Variants in MCM10 observed in about 807,000 individuals in gnomAD.
The protein encoded by MCM10 is minichromosome maintenance 10 replication initiation factor, also known as protein MCM10 homolog.
In MCM10, 91 loss-of-function variants were observed where a neutral mutation model predicts 109.9. That is an observed-to-expected ratio of 0.83 (90% confidence interval 0.70 to 0.99). The LOEUF (loss-of-function observed/expected upper bound fraction) is 0.99. Ranked by LOEUF, MCM10 falls within the 50% of genes least tolerant of loss-of-function variation. The probability of loss-of-function intolerance (pLI) is 0.00; values close to 1 mark genes in which losing one functional copy is unlikely to be tolerated. For synonymous variants in MCM10, 380 were observed against 387.2 expected, an observed-to-expected ratio of 0.98 and a Z score of 0.22; for missense variants, 1,077 against 1,061.2, an observed-to-expected ratio of 1.01 and a Z score of -0.21.
chr10:13,178,236 C>T (rs1261337255), intron 6 of MCM10, among the ~76,000 whole-genome samples: 2 of 152,210 alleles, frequency 1.3e-5, no homozygotes, highest in Admixed American at 6.5e-5. Context: ...GCTCAGACTA[C>T]AAGCACGCAC....
At position 13,186,152 on chromosome 10, in the gene MCM10, C is replaced by T; in HGVS notation, c.1099-12C>T. 3 of 1,525,808 alleles carry T rather than the reference C, an allele frequency of 2.0e-6. No individual in the cohort carries two copies. Among genetic ancestry groups the T allele is most frequent in the Non-Finnish European group, 2.7e-6 (3 of 1,103,330 alleles). The allele number at this position is 1,525,808 out of a possible 1,614,324, so 94.5% of individuals were successfully genotyped here. A position where few individuals can be genotyped will look rare whatever the true frequency, so the allele number is the denominator to read the frequency against. On this transcript the variant is annotated splice_polypyrimidine_tract_variant and intron_variant, in intron 8 of 19. Coordinates refer to ENST00000378714, the MANE Select transcript of MCM10 (RefSeq NM_018518.5). ...TGTCCGCCTTTAACTCCTGCCCCAC[C>T]TTTTCTTACAGGTGTGTTTATCTAT...
intron 17 of MCM10, among the ~76,000 whole-genome samples, chr10:13,202,426 A>G (rs1307549512): frequency 1.3e-5 from 2 of 152,180 alleles, no homozygotes; most frequent in Admixed American, 1.3e-4. Context: ...ATTTGTTCCC[A>G]CTATCCCTGT....
chr10:13,163,063 A>G (rs987930666), intron 1 of MCM10, among the ~76,000 whole-genome samples: 29 of 150,234 alleles, frequency 1.9e-4, no homozygotes, highest in African/African-American at 6.9e-4. Flanking sequence ...TGGGTGACAG[A>G]GACTCCGTCT....
rs552283775 is a variant in MCM10, at chr10:13,175,825, A to G, written c.764+144A>G. 2.0e-5 allele frequency: 12 copies of G among 598,096 alleles called. No homozygotes were observed. The East Asian group carries it at 3.4e-4, about 17-fold the overall frequency. The allele number at this position is 598,096 out of a possible 1,614,324, so 37.0% of individuals were successfully genotyped here. On this transcript the variant is annotated intron_variant, in intron 6 of 19. Coordinates refer to ENST00000378714, the MANE Select transcript of MCM10 (RefSeq NM_018518.5). ...CTGGACAAAACACCACTGGAAGACTAGCAGTAGCCCTAGGTTTGACTAAGT... is the reference window on the plus strand; with the variant it reads ...CTGGACAAAACACCACTGGAAGACTGGCAGTAGCCCTAGGTTTGACTAAGT...
rs3765520 is a variant in MCM10 at position 13,182,886 on chromosome 10, G to A, written c.931-47G>A. 9 of 1,444,536 alleles carry A rather than the reference G, an allele frequency of 6.2e-6. No individual in the cohort carries two copies. The Middle Eastern group carries it at 7.3e-4, about 118-fold the overall frequency. 89.5% of individuals were successfully genotyped at this position (1,444,536 alleles called of 1,614,324 possible). The stretch of plus-strand genomic sequence containing the variant: ...AAACTCTTGAATCATAAATGAGGAC[G>A]GCATAACCTACAGTTCAAAATTATA... On this transcript the variant is annotated intron_variant, in intron 7 of 19. Transcript: ENST00000378714. The surrounding 1 kb of genome is among the most constrained non-coding windows in gnomAD (Gnocchi z 4.2).
intron 9 of MCM10, 91 bp downstream of exon 9, chr10:13,186,371 G>C: frequency 3.8e-6 from 3 of 796,270 alleles, no homozygotes. Context: ...GACCAGTTTG[G>C]AACTGAGTTT....
Position 13,189,083 on chromosome 10 carries a change from A to T in MCM10, c.1415+3A>T. 1 of 1,614,192 alleles carries T rather than the reference A, an allele frequency of 6.2e-7. No homozygotes were observed. The highest frequency in any genetic ancestry group is 1.7e-5 in the Admixed American group (1 of 60,024). ...TCTGCCTCGTATGCAGCTTCAATGTAAGACGTTCTCGGGCTTCTTTTGGGC... is the reference window on the plus strand; with the variant it reads ...TCTGCCTCGTATGCAGCTTCAATGTTAGACGTTCTCGGGCTTCTTTTGGGC... On this transcript the variant is annotated splice_donor_region_variant and intron_variant, in intron 10 of 19. Coordinates refer to ENST00000378714, the MANE Select transcript of MCM10 (RefSeq NM_018518.5).
intron 2 of MCM10, among the ~76,000 whole-genome samples, chr10:13,169,492 A>G (rs1834042677): frequency 6.6e-6 from 1 of 152,206 alleles, no homozygotes; most frequent in Non-Finnish European, 1.5e-5. Context: ...GAAAACGTGG[A>G]TACCCAGCAA....
intron 6 of MCM10, 97 bp downstream of exon 6, chr10:13,175,778 C>T: frequency 1.2e-6 from 1 of 825,156 alleles, no homozygotes; most frequent in East Asian, 2.6e-5. Context: ...TCAGGATCCA[C>T]AAAACACCAG....
Position 13,210,214 on chromosome 10 carries a change from C to G in MCM10, c.*904C>G, listed in dbSNP as rs1188373129. On this transcript the variant is annotated 3_prime_UTR_variant, in exon 20 of 20. Transcript: ENST00000378714. ...GGACTACAGGCGTGCGTGACCAAGC[C>G]CAGCTAATTTTTGCATTTTTTGTAG... 1 of 151,614 alleles carries G rather than the reference C, an allele frequency of 6.6e-6. No individual in the cohort carries two copies. The highest frequency in any genetic ancestry group is 1.5e-5 in the Non-Finnish European group (1 of 68,030). The allele number at this position is 151,614 out of a possible 1,614,324, so 9.4% of individuals were successfully genotyped here. A position where few individuals can be genotyped will look rare whatever the true frequency, so the allele number is the denominator to read the frequency against.
chr10:13,197,902 C>T, intron 15 of MCM10, 135 bp downstream of exon 15: 1 of 839,092 alleles, frequency 1.2e-6, no homozygotes, highest in Non-Finnish European at 1.7e-6. Flanking sequence ...AATAGAATTT[C>T]TATGGGTGGA....
At chr10:13,194,881 C>G (rs554508913) in intron 13 of MCM10, among the ~76,000 whole-genome samples, 160 bp from the exon 14 acceptor site, 2 of 152,318 alleles carry the variant, frequency 1.3e-5, no homozygotes, top group Non-Finnish European at 1.5e-5. Context: ...TTGTTCTTAT[C>G]GTGTGCAAAT....
At chr10:13,185,651 A>T (rs555712426) in intron 8 of MCM10, among the ~76,000 whole-genome samples, 1 of 152,238 alleles carries the variant, frequency 6.6e-6, no homozygotes, top group African/African-American at 2.4e-5. Context: ...CAGGATTCCA[A>T]TCGCAAAGAT....
At chr10:13,197,282 C>G (rs1323780126) in intron 14 of MCM10, among the ~76,000 whole-genome samples, 1 of 152,178 alleles carries the variant, frequency 6.6e-6, no homozygotes, top group East Asian at 1.9e-4. Context: ...TAGTCCGTGG[C>G]AGAGCTGGCT....
chr10:13,206,158 G>T (rs530864550), intron 18 of MCM10, among the ~76,000 whole-genome samples: 1 of 152,242 alleles, frequency 6.6e-6, no homozygotes, highest in Non-Finnish European at 1.5e-5. Flanking sequence ...TTTCACATAG[G>T]TGGTACAGAA....
At chr10:13,181,937 C>T (rs907121451) in intron 7 of MCM10, among the ~76,000 whole-genome samples, 2 of 152,126 alleles carry the variant, frequency 1.3e-5, no homozygotes, top group African/African-American at 2.4e-5. Context: ...ATCCCCAGCC[C>T]GGGATGCCTC....
intron 13 of MCM10, among the ~76,000 whole-genome samples, chr10:13,194,658 C>A (rs1346289934): frequency 2.0e-5 from 3 of 152,176 alleles, no homozygotes; most frequent in African/African-American, 7.2e-5. Context: ...GTAGCATAAA[C>A]AAAGATGCAG....
intron 16 of MCM10, 122 bp downstream of exon 16, chr10:13,198,929 T>C: frequency 1.5e-6 from 1 of 679,970 alleles, no homozygotes; most frequent in Non-Finnish European, 2.5e-6. Flanking sequence ...AGAGTCTCAG[T>C]CTGTGGCCCA....
In MCM10 at chr10:13,201,429, T is replaced by C. The variant is rs748415703; in HGVS notation, c.2247T>C (p.Ala749=). Residue 749 remains alanine (A), a synonymous_variant, in exon 17 of 20, where the codon GCT becomes GCC. Transcript: ENST00000378714. ...KHTGILKEAE[A]EMQERYFEPL... ...ATGCCCTGTCATTCCAGGCCGAGGC[T>C]GAGATGCAGGAGCGCTACTTTGAGC... 6.8e-6 allele frequency: 11 copies of C among 1,610,538 alleles called. No homozygotes were observed. The African/African-American group carries it at 1.3e-4, about 20-fold the overall frequency.
Sources: gnomAD v4.1 joint callset for allele counts (sites outside exome capture counted in the v4.1 genomes callset) on GRCh38, gnomAD v4.1.1 for gene constraint, Gnocchi (gnomAD v3.1) non-coding constraint, MANE v1.5 for transcripts, NCBI Gene and HGNC (gene_info 2026-07-23, HGNC 2026-07-21) for gene names.